Variants in BAALC observed in about 807,000 individuals in gnomAD.
BAALC encodes the protein brain and acute leukemia cytoplasmic protein.
A neutral mutation model predicts 15.5 loss-of-function variants in BAALC; 9 were observed. The ratio of observed to expected loss-of-function variants is 0.58; its 90% confidence interval spans 0.35 to 1.02. The LOEUF is 1.02. Among genes scored for constraint, BAALC ranks in the 50% least tolerant of loss-of-function variants. BAALC has a pLI of 0.02. For synonymous variants in BAALC, 80 were observed against 74.6 expected (o/e 1.07, Z -0.37); for missense variants, 201 against 192.4 (o/e 1.04, Z -0.27).
At chr8:103,182,643 A>G (rs1811752949) in intron 1 of BAALC, among the ~76,000 whole-genome samples, 1 of 152,150 alleles carries the variant, frequency 6.6e-6, no homozygotes, top group Non-Finnish European at 1.5e-5. Flanking sequence ...ATTGATTATT[A>G]TTGTGTTGTC....
rs747849722 is a variant in BAALC, at chr8:103,140,906, C to A, written c.9C>A (p.Cys3Ter). Residue 3 changes from cysteine to a stop codon, truncating the protein, a stop_gained, in exon 1 of 3, where the codon TGC becomes TGA. Transcript: ENST00000309982. LOFTEE classifies it high-confidence loss of function. This position sits in a 1 kb window ranked among gnomAD's most constrained non-coding sequence, Gnocchi z 4.2. Reference sequence around the variant, plus strand: ...TCCCGCGGCGCAGGAGGATGGGCTGCGGCGGGAGCCGGGCGGATGCCATCG... The same window carrying A: ...TCCCGCGGCGCAGGAGGATGGGCTGAGGCGGGAGCCGGGCGGATGCCATCG... MG[C>*]GGSRADAIEP... is the part of the protein sequence containing the mutation. 6.6e-7 allele frequency: 1 copy of A among 1,514,002 alleles called. No homozygotes were observed. The highest frequency in any genetic ancestry group is 8.8e-7 in the Non-Finnish European group (1 of 1,131,578). The allele number at this position is 1,514,002 out of a possible 1,614,324, so 93.8% of individuals were successfully genotyped here.
intron 1 of BAALC, among the ~76,000 whole-genome samples, chr8:103,187,668 T>G (rs149932719): frequency 6.6e-6 from 1 of 152,186 alleles, no homozygotes; most frequent in Non-Finnish European, 1.5e-5. Flanking sequence ...GGTCAGGTTG[T>G]GGACAGGACA....
chr8:103,186,373 A>C (rs1811838031), intron 1 of BAALC, among the ~76,000 whole-genome samples: 1 of 152,192 alleles, frequency 6.6e-6, no homozygotes, highest in Non-Finnish European at 1.5e-5. Flanking sequence ...ATCACATAAC[A>C]AGTAGGTGGT....
intron 1 of BAALC, among the ~76,000 whole-genome samples, chr8:103,155,752 A>G: frequency 6.6e-6 from 1 of 152,184 alleles, no homozygotes; most frequent in East Asian, 1.9e-4. Flanking sequence ...GTCCCACCCC[A>G]GGCACTTCTG....
intron 1 of BAALC, among the ~76,000 whole-genome samples, chr8:103,186,856 C>T (rs1238882013): frequency 6.6e-6 from 1 of 152,122 alleles, no homozygotes; most frequent in Non-Finnish European, 1.5e-5. Flanking sequence ...ATGCAATTTT[C>T]CAAGTTTAAT....
At chr8:103,188,864 C>T (rs1443697777) in intron 1 of BAALC, among the ~76,000 whole-genome samples, 1 of 152,220 alleles carries the variant, frequency 6.6e-6, no homozygotes, top group Admixed American at 6.5e-5. Context: ...TAAAATCTCA[C>T]ATCTTTATTT....
chr8:103,171,289 G>A (rs1232825873), intron 1 of BAALC, among the ~76,000 whole-genome samples: 1 of 145,356 alleles, frequency 6.9e-6, no homozygotes, highest in Non-Finnish European at 1.5e-5. Context: ...AAGAAAGAGA[G>A]AAGGAAGGGG....
intron 1 of BAALC, among the ~76,000 whole-genome samples, chr8:103,195,053 G>T (rs1812060946): frequency 6.6e-6 from 1 of 152,104 alleles, no homozygotes; most frequent in African/African-American, 2.4e-5. Flanking sequence ...GTGCATTTTT[G>T]AGGCTGGAGA....
At chr8:103,142,574 C>G (rs924755566) in intron 1 of BAALC, among the ~76,000 whole-genome samples, 2 of 151,624 alleles carry the variant, frequency 1.3e-5, no homozygotes, top group African/African-American at 4.9e-5. Context: ...GAGATGTACT[C>G]CGAAGAAATA....
intron 1 of BAALC, among the ~76,000 whole-genome samples, chr8:103,202,452 G>A (rs1812238514): frequency 6.6e-6 from 1 of 152,182 alleles, no homozygotes; most frequent in Non-Finnish European, 1.5e-5. Context: ...CTTGATCTTG[G>A]ACTTCCAGCC....
chr8:103,148,702 A>G (rs1810923081), intron 1 of BAALC, among the ~76,000 whole-genome samples: 1 of 152,174 alleles, frequency 6.6e-6, no homozygotes, highest in Non-Finnish European at 1.5e-5. Flanking sequence ...GGCCTCCAGA[A>G]CTGGGAAACA....
intron 1 of BAALC, among the ~76,000 whole-genome samples, chr8:103,188,524 A>G (rs1001877573): frequency 2.0e-5 from 3 of 152,256 alleles, no homozygotes; most frequent in African/African-American, 7.2e-5. Flanking sequence ...GGAATCACTA[A>G]TGAAGAATGT....
At chr8:103,226,013 AGTAGTTT>A (rs1275909766) in intron 2 of BAALC, among the ~76,000 whole-genome samples, 1 of 152,220 alleles carries the variant, frequency 6.6e-6, no homozygotes, top group East Asian at 1.9e-4. Context: ...CTACAGAGGA[AGTAGTTT>A]GTGTTCAGGG....
intron 1 of BAALC, among the ~76,000 whole-genome samples, chr8:103,150,333 C>CTGTGTGTGTG (rs34233321): frequency 0.022 from 3,343 of 149,256 alleles, 51 homozygotes; most frequent in Non-Finnish European, 0.038. Flanking sequence ...AGAAACATGG[C>CTGTGTGTGTG]TGTGTGTGTG....
At chr8:103,197,942 A>G (rs1563650839) in intron 1 of BAALC, among the ~76,000 whole-genome samples, 1 of 152,202 alleles carries the variant, frequency 6.6e-6, no homozygotes, top group East Asian at 1.9e-4. Flanking sequence ...TCAAAACTAT[A>G]TCAGCCTTCA....
intron 2 of BAALC, among the ~76,000 whole-genome samples, chr8:103,217,776 C>T (rs1812593009): frequency 6.6e-6 from 1 of 152,180 alleles, no homozygotes; most frequent in African/African-American, 2.4e-5. Context: ...CTTGCGAGGC[C>T]TGGAAAATTT....
intron 1 of BAALC, among the ~76,000 whole-genome samples, chr8:103,203,405 A>G (rs1812261381): frequency 6.6e-6 from 1 of 152,212 alleles, no homozygotes; most frequent in African/African-American, 2.4e-5. Flanking sequence ...TGTACTGCTC[A>G]CCATTTGAAA....
chr8:103,227,065 G>C (rs1812821956), intron 2 of BAALC, among the ~76,000 whole-genome samples: 1 of 152,108 alleles, frequency 6.6e-6, no homozygotes, highest in Admixed American at 6.5e-5. Flanking sequence ...TAATAAACAT[G>C]CCCTATTCCA....
intron 1 of BAALC, 78 bp downstream of exon 1, chr8:103,141,135 G>A: frequency 2.2e-6 from 3 of 1,353,048 alleles, no homozygotes; most frequent in Admixed American, 4.1e-5. Context: ...GAGAGGAGCC[G>A]GTTCCCTGAG....
Sources: gnomAD v4.1 joint callset for allele counts (sites outside exome capture counted in the v4.1 genomes callset) on GRCh38, gnomAD v4.1.1 for gene constraint, Gnocchi (gnomAD v3.1) non-coding constraint, MANE v1.5 for transcripts, NCBI Gene and HGNC (gene_info 2026-07-23, HGNC 2026-07-21) for gene names.